Variants in PAPPA2 observed in about 807,000 individuals in gnomAD.
PAPPA2 encodes pappalysin-2.
A neutral mutation model predicts 176.4 loss-of-function variants in PAPPA2; 86 were observed. The ratio of observed to expected loss-of-function variants is 0.49; its 90% CI spans 0.41 to 0.58. The LOEUF is 0.58. Ranked by LOEUF, PAPPA2 falls within the 20% of genes least tolerant of loss-of-function variation. PAPPA2 has a pLI of 0.00. For synonymous variants in PAPPA2, 809 were observed against 852.2 expected, an observed-to-expected ratio of 0.95 and a Z score of 0.88; for missense variants, 2,073 against 2,256.9, an observed-to-expected ratio of 0.92 and a Z score of 1.65.
chr1:176,657,969 A>G (rs1658121181), intron 3 of PAPPA2, among the ~76,000 whole-genome samples: 2 of 152,016 alleles, frequency 1.3e-5, no homozygotes, highest in Non-Finnish European at 2.9e-5. Flanking sequence ...CAGCATTAAT[A>G]TAATCAACTA....
At chr1:176,754,548 G>C (rs1257687647) in intron 14 of PAPPA2, among the ~76,000 whole-genome samples, 1 of 152,078 alleles carries the variant, frequency 6.6e-6, no homozygotes, top group East Asian at 1.9e-4. Context: ...ATTCTCTTAT[G>C]GATTTTGATA....
chr1:176,833,653 G>A (rs1170413602), intron 21 of PAPPA2, among the ~76,000 whole-genome samples: 2 of 152,124 alleles, frequency 1.3e-5, no homozygotes, highest in Non-Finnish European at 1.5e-5. Context: ...ATTTTAGATG[G>A]TTTATAGAGG....
chr1:176,584,110 A>C (rs1252979798), intron 2 of PAPPA2, among the ~76,000 whole-genome samples: 5 of 152,220 alleles, frequency 3.3e-5, no homozygotes, highest in Non-Finnish European at 7.3e-5. Context: ...TGTTACATGT[A>C]CTGATAAAAA....
intron 3 of PAPPA2, among the ~76,000 whole-genome samples, chr1:176,602,783 T>C (rs375761858): frequency 6.6e-6 from 1 of 152,146 alleles, no homozygotes; most frequent in African/African-American, 2.4e-5. Flanking sequence ...AAGTGTCACC[T>C]TCTCATGGTC....
Position 176,739,781 on chromosome 1 carries a change from C to T in PAPPA2, c.3934+20C>T, listed in dbSNP as rs1292209298. On this transcript the variant is annotated intron_variant, in intron 13 of 22. Transcript: ENST00000367662. ...CTCTTGGTGAGTCTGACAAATATCC[C>T]TTTAGGGTCACTAGAGGACAACCCG... 1 of 1,612,080 alleles carries T rather than the reference C, an allele frequency of 6.2e-7. No individual in the cohort carries two copies. The highest frequency in any genetic ancestry group is 1.7e-5 in the Admixed American group (1 of 59,688).
intron 1 of PAPPA2, among the ~76,000 whole-genome samples, chr1:176,485,432 G>A (rs1190980884): frequency 6.6e-6 from 1 of 152,028 alleles, no homozygotes; most frequent in East Asian, 1.9e-4. Flanking sequence ...GCTTCCCTGT[G>A]CCTAGAAGCC....
At chr1:176,487,585 C>T (rs1357360011) in intron 1 of PAPPA2, among the ~76,000 whole-genome samples, 1 of 152,140 alleles carries the variant, frequency 6.6e-6, no homozygotes, top group Non-Finnish European at 1.5e-5. Context: ...GCCTGTTCTG[C>T]AACAGCTAGA....
At chr1:176,676,506 T>G (rs1378636198) in intron 4 of PAPPA2, among the ~76,000 whole-genome samples, 2 of 151,872 alleles carry the variant, frequency 1.3e-5, no homozygotes, top group African/African-American at 2.4e-5. Context: ...ATTTCACATT[T>G]GCAGTATTCT....
At chr1:176,697,947 C>T (rs574096022) in intron 7 of PAPPA2, among the ~76,000 whole-genome samples, 1 of 152,208 alleles carries the variant, frequency 6.6e-6, no homozygotes, top group South Asian at 2.1e-4. Context: ...TGAATCAACA[C>T]ACAATATAGG....
intron 1 of PAPPA2, among the ~76,000 whole-genome samples, chr1:176,544,133 G>T (rs897953032): frequency 1.3e-5 from 2 of 152,180 alleles, no homozygotes; most frequent in African/African-American, 4.8e-5. Flanking sequence ...GATATCCAGA[G>T]CCTAGGGAAG....
chr1:176,627,039 CTGA>C (rs1198184781), intron 3 of PAPPA2, among the ~76,000 whole-genome samples: 1 of 151,762 alleles, frequency 6.6e-6, no homozygotes, highest in African/African-American at 2.4e-5. Flanking sequence ...CCTTTTGTAT[CTGA>C]GGAGCTTCCT....
rs757914618 is a variant in PAPPA2 at position 176,606,711 on chromosome 1, C to CCTTA, written c.1991+11117_1991+11120dup. ...AAATTCTGACCTTGTGATCTGCCTG[C>CCTTA]CTTAGCCTCCCAAAGTGCTGGGATT... On this transcript the variant is annotated intron_variant, in intron 3 of 22. Transcript: ENST00000367662. 6.7e-4 allele frequency among the ~76,000 whole-genome samples: 102 copies of CCTTA among 152,272 alleles called. 1 individual carries two copies. Among genetic ancestry groups the CCTTA allele is most frequent in the Non-Finnish European group, 9.6e-4 (65 of 68,026 alleles).
intron 9 of PAPPA2, among the ~76,000 whole-genome samples, chr1:176,703,426 G>A (rs991247903): frequency 6.6e-6 from 1 of 152,142 alleles, no homozygotes; most frequent in Non-Finnish European, 1.5e-5. Context: ...CAAGTCCCAG[G>A]AAATCCTGGA....
At chr1:176,636,012 A>T (rs1016928740) in intron 3 of PAPPA2, among the ~76,000 whole-genome samples, 1 of 152,072 alleles carries the variant, frequency 6.6e-6, no homozygotes, top group Non-Finnish European at 1.5e-5. Flanking sequence ...TTTGTCATCA[A>T]TTCTGAAACC....
intron 3 of PAPPA2, among the ~76,000 whole-genome samples, chr1:176,645,666 G>A (rs115495218): frequency 1.1e-3 from 164 of 151,648 alleles, no homozygotes; most frequent in African/African-American, 3.7e-3. Context: ...AAGGACATTC[G>A]TATAGTTTTT....
rs573845467 is a variant in PAPPA2, at chr1:176,688,833, T to C, written c.2138-1304T>C. 1.2e-3 allele frequency among the ~76,000 whole-genome samples: 188 copies of C among 152,326 alleles called. 3 individuals carry two copies. The highest frequency in any genetic ancestry group is 2.6e-3 in the Admixed American group (39 of 15,294). ...GGTGTAGCGCCAGATACCCTGTGAT[T>C]GTCTCCTGCCCATAAGGCTGTGTAT... is the stretch of plus-strand genomic sequence containing the variant. On this transcript the variant is annotated intron_variant, in intron 4 of 22. Coordinates refer to ENST00000367662, the MANE Select transcript of PAPPA2 (RefSeq NM_020318.3).
intron 3 of PAPPA2, among the ~76,000 whole-genome samples, chr1:176,650,214 T>C (rs1259331406): frequency 1.3e-5 from 2 of 151,570 alleles, no homozygotes; most frequent in Admixed American, 1.3e-4. Flanking sequence ...ATGTAGCTAC[T>C]CCTGCCCATT....
At chr1:176,799,061 C>G in intron 20 of PAPPA2, among the ~76,000 whole-genome samples, 1 of 152,110 alleles carries the variant, frequency 6.6e-6, no homozygotes, top group Non-Finnish European at 1.5e-5. Context: ...GGTGCTATCT[C>G]GTGTAAAGCT....
chr1:176,513,594 C>A (rs1006176276), intron 1 of PAPPA2, among the ~76,000 whole-genome samples: 1 of 152,176 alleles, frequency 6.6e-6, no homozygotes, highest in Admixed American at 6.6e-5. Context: ...CTTCTGTGAA[C>A]CAGTTGTGTT....
Sources: allele counts gnomAD v4.1 joint callset (sites outside exome capture counted in the v4.1 genomes callset), GRCh38; gene constraint gnomAD v4.1.1; transcripts MANE v1.5; gene names NCBI Gene and HGNC (gene_info 2026-07-23, HGNC 2026-07-21).